Variants in SGSM2 observed in about 807,000 individuals in gnomAD.
SGSM2 encodes RUN and TBC1 domain containing 1.
In SGSM2, 89 loss-of-function variants were observed where a neutral mutation model predicts 126.6. That is an observed-to-expected ratio of 0.70 (90% CI 0.59 to 0.84). The LOEUF (loss-of-function observed/expected upper bound fraction) is 0.84. SGSM2 is among the 40% of genes least tolerant of loss of function. SGSM2 has a pLI of 0.00. For missense variants in SGSM2, 1,404 were observed against 1,416.6 expected, an observed-to-expected ratio of 0.99 and a Z score of 0.14; for synonymous variants, 614 against 574.3, an observed-to-expected ratio of 1.07 and a Z score of -0.99.
intron 1 of SGSM2, among the ~76,000 whole-genome samples, chr17:2,342,976 C>A (rs1337615994): frequency 4.6e-5 from 7 of 150,542 alleles, no homozygotes; most frequent in Non-Finnish European, 1.0e-4. Context: ...GACTCCATCT[C>A]AAAAAAAAAT....
intron 11 of SGSM2, chr17:2,366,999 C>T: frequency 2.4e-6 from 1 of 417,026 alleles, no homozygotes; most frequent in Non-Finnish European, 4.4e-6. Flanking sequence ...CGGTCTTTCA[C>T]ATCCTCCCAC....
rs544131558 is a variant in SGSM2 at position 2,377,853 on chromosome 17, T to A, written c.2803-4T>A. 21 of 1,599,504 alleles carry A rather than the reference T, an allele frequency of 1.3e-5. No homozygotes were observed. The highest frequency in any genetic ancestry group is 2.7e-5 in the African/African-American group (2 of 74,716). On this transcript the variant is annotated splice_region_variant and splice_polypyrimidine_tract_variant and intron_variant, in intron 21 of 23. Transcript: ENST00000268989. ...GCCTCTCTCCCTTTTCCCACCCACATAAGATCCTGGACTCAGAGCTGTTTG... is the reference window on the plus strand; with the variant it reads ...GCCTCTCTCCCTTTTCCCACCCACAAAAGATCCTGGACTCAGAGCTGTTTG...
rs769867632 is a variant in SGSM2, at chr17:2,379,419, C to T, written c.3068-13C>T. The T allele has an allele frequency of 1.5e-5, 24 of 1,610,252 alleles. No homozygotes were observed. The highest frequency in any genetic ancestry group is 1.9e-5 in the Non-Finnish European group (22 of 1,177,414). ...CTCTGGGCCTCTCTACAGCTCTTCA[C>T]GTTTCCCCCCAGAACGTGCTGAGCA... On this transcript the variant is annotated splice_polypyrimidine_tract_variant and intron_variant, in intron 23 of 23. Transcript: ENST00000268989.
In SGSM2 at chr17:2,367,430, C is replaced by T; in HGVS notation, c.1423+25C>T. On this transcript the variant is annotated intron_variant, in intron 12 of 23. Coordinates refer to ENST00000268989, the MANE Select transcript of SGSM2 (RefSeq NM_014853.3). The surrounding 1 kb of genome is among the most constrained non-coding windows in gnomAD (Gnocchi z 4.0). ...GGTTCTTATCCCTCCCTCTCCCTGA[C>T]CCACCTCATCCCCACCCTCCCTCCC... is the stretch of plus-strand genomic sequence containing the variant. 1 of 1,604,034 alleles carries T rather than the reference C, an allele frequency of 6.2e-7. No homozygotes were observed. Among genetic ancestry groups the T allele is most frequent in the Non-Finnish European group, 8.5e-7 (1 of 1,173,846 alleles).
At chr17:2,371,755 T>G in intron 13 of SGSM2, 1 of 385,290 alleles carries the variant, frequency 2.6e-6, no homozygotes, top group Non-Finnish European at 4.7e-6. Context: ...CCCTTCCCGA[T>G]GTGCACACAG....
Position 2,337,509 on chromosome 17 carries a change from C to A in SGSM2, c.-180C>A, listed in dbSNP as rs912374852. On this transcript the variant is annotated 5_prime_UTR_variant, in exon 1 of 24. Transcript: ENST00000268989. The surrounding 1 kb of genome is among the most constrained non-coding windows in gnomAD (Gnocchi z 5.1). ...CCTGCCGCCTGACGTCTGTGCGGGG[C>A]TCGGAAGATGGCTGCGGAGCCGAGC... 1.7e-5 allele frequency: 3 copies of A among 178,446 alleles called. No homozygotes were observed. Among genetic ancestry groups the A allele is most frequent in the Non-Finnish European group, 3.4e-5 (3 of 88,856 alleles). 11.1% of individuals were successfully genotyped at this position (178,446 alleles called of 1,614,324 possible).
chr17:2,340,805 C>A (rs550831241), intron 1 of SGSM2, among the ~76,000 whole-genome samples: 10 of 152,048 alleles, frequency 6.6e-5, no homozygotes, highest in Middle Eastern at 3.2e-3. Flanking sequence ...AGGATGGTCT[C>A]GATCTCCTGA....
Position 2,367,023 on chromosome 17 carries a change from CTT to C in SGSM2, c.1289-247_1289-246del. On this transcript the variant is annotated intron_variant, in intron 11 of 23. Coordinates refer to ENST00000268989, the MANE Select transcript of SGSM2 (RefSeq NM_014853.3). The surrounding 1 kb of genome is among the most constrained non-coding windows in gnomAD (Gnocchi z 4.0). ...ACATCCTCCCACCTCTGTTCTCTCT[CTT>C]CTGTTCTTCCTAGAGAGGCTGCCTC... is the stretch of plus-strand genomic sequence containing the variant. The C allele has an allele frequency of 2.0e-6, 1 of 494,650 alleles. No homozygotes were observed. 30.6% of individuals were successfully genotyped at this position (494,650 alleles called of 1,614,324 possible).
chr17:2,340,010 A>T (rs570498305), intron 1 of SGSM2, among the ~76,000 whole-genome samples: 6 of 152,384 alleles, frequency 3.9e-5, no homozygotes, highest in African/African-American at 1.4e-4. Flanking sequence ...CAGAGACTTG[A>T]ACAGTGTAAA....
In SGSM2 at chr17:2,373,412, C is replaced by T. The variant is rs763516282; in HGVS notation, c.1999C>T (p.Arg667Trp). 1.4e-5 allele frequency: 22 copies of T among 1,611,840 alleles called. No individual in the cohort carries two copies. The highest frequency in any genetic ancestry group is 7.7e-5 in the South Asian group (7 of 91,076). ...CGAGGTGGTGGTGAGGCAGCGGGAG[C>T]GGGAGGCCCACCCAGCCACACGCAC... ...ACEVVVRQRE[R>W]EAHPATRTKF... Residue 667 changes from arginine (R) to tryptophan (W), a missense_variant, in exon 17 of 24, where the codon CGG becomes TGG. Physicochemically the swap from Arg to Trp is moderately radical, Grantham distance 101. Coordinates refer to ENST00000268989, the MANE Select transcript of SGSM2 (RefSeq NM_014853.3).
chr17:2,344,135 C>G (rs533375190), intron 2 of SGSM2, among the ~76,000 whole-genome samples: 1 of 152,294 alleles, frequency 6.6e-6, no homozygotes, highest in South Asian at 2.1e-4. Flanking sequence ...GGAGCCTGAG[C>G]GTGGGCTAGG....
rs557354078 is a variant in SGSM2 at position 2,350,305 on chromosome 17, C to T, written c.133+6685C>T. ...AGAGAAGAGAAGTTTGCTGGAGGAG[C>T]GTCTTTGAAAAGGTGCAAGGGAGGT... On this transcript the variant is annotated intron_variant, in intron 2 of 23. Transcript: ENST00000268989. Among the ~76,000 whole-genome samples, 3 of 151,828 alleles carry T rather than the reference C, an allele frequency of 2.0e-5. No individual in the cohort carries two copies. In the South Asian group the frequency reaches 6.2e-4, roughly 32 times the overall value.
rs1352831084 is a variant in SGSM2, at chr17:2,363,559, C to T, written c.767C>T (p.Thr256Met). 16 of 1,613,330 alleles carry T rather than the reference C, an allele frequency of 9.9e-6. No individual in the cohort carries two copies. The highest frequency in any genetic ancestry group is 2.7e-5 in the African/African-American group (2 of 74,946). ...CVESLHQNSR[T>M]RLLYGKNHVL... ...GAGTCCCTGCACCAGAACTCACGGA[C>T]GCGGCTGCTCTATGGCAAGAACCAC... Residue 256 changes from threonine (T) to methionine (M), a missense_variant, in exon 7 of 24, where the codon ACG becomes ATG. Transcript: ENST00000268989. The surrounding 1 kb of genome is among the most constrained non-coding windows in gnomAD (Gnocchi z 4.2).
chr17:2,361,598 C>G (rs748532602), intron 2 of SGSM2, 39 bp from the exon 3 acceptor site: 1 of 1,606,038 alleles, frequency 6.2e-7, no homozygotes. Context: ...GCTCCCCCGT[C>G]TTTCCCAGGC....
intron 23 of SGSM2, 50 bp downstream of exon 23, chr17:2,379,253 C>A (rs2066314527): frequency 1.3e-6 from 2 of 1,591,180 alleles, no homozygotes; most frequent in East Asian, 2.2e-5. Flanking sequence ...GGTGTGGAGG[C>A]CCCCACCTCT....
At chr17:2,342,358 A>G (rs1316903170) in intron 1 of SGSM2, among the ~76,000 whole-genome samples, 5 of 151,750 alleles carry the variant, frequency 3.3e-5, no homozygotes, top group Non-Finnish European at 1.5e-5. Context: ...CGGGAGTTGG[A>G]GGTTGCAGTG....
Position 2,380,356 on chromosome 17 carries a change from G to A in SGSM2, c.*836G>A. Reference sequence around the variant, plus strand: ...GAGCACTTGCTCTGAGGAATCCCAGGGTGACTCTGTCGGGGAAGAATCCGG... The same window carrying A: ...GAGCACTTGCTCTGAGGAATCCCAGAGTGACTCTGTCGGGGAAGAATCCGG... On this transcript the variant is annotated 3_prime_UTR_variant, in exon 24 of 24. Coordinates refer to ENST00000268989, the MANE Select transcript of SGSM2 (RefSeq NM_014853.3). 2 of 1,502,710 alleles carry A rather than the reference G, an allele frequency of 1.3e-6. No individual in the cohort carries two copies. The highest frequency in any genetic ancestry group is 2.0e-5 in the Admixed American group (1 of 50,938). 93.1% of individuals were successfully genotyped at this position (1,502,710 alleles called of 1,614,324 possible). A position where few individuals can be genotyped will look rare whatever the true frequency, so the allele number is the denominator to read the frequency against.
Position 2,380,388 on chromosome 17 carries a change from C to A in SGSM2, c.*868C>A. On this transcript the variant is annotated 3_prime_UTR_variant, in exon 24 of 24. Coordinates refer to ENST00000268989, the MANE Select transcript of SGSM2 (RefSeq NM_014853.3). ...CTGTCGGGGAAGAATCCGGTCACAG[C>A]CTCCCCTCAGAGACAGGCCTCAGTT... is the stretch of plus-strand genomic sequence containing the variant. The A allele has an allele frequency of 7.7e-7, 1 of 1,303,970 alleles. No homozygotes were observed. The highest frequency in any genetic ancestry group is 1.1e-6 in the Non-Finnish European group (1 of 936,684). 80.8% of individuals were successfully genotyped at this position (1,303,970 alleles called of 1,614,324 possible).
chr17:2,375,750 T>C lies in SGSM2; in HGVS notation c.2359T>C (p.Ser787Pro), dbSNP rs2066107295. The C allele has an allele frequency of 1.2e-6, 2 of 1,605,024 alleles. No homozygotes were observed. The highest frequency in any genetic ancestry group is 4.5e-5 in the East Asian group (2 of 44,676). Residue 787 changes from serine (S) to proline (P), a missense_variant, in exon 18 of 24, where the codon TCC becomes CCC. Physicochemically the swap from Ser to Pro is moderately conservative, Grantham distance 74. Transcript: ENST00000268989. ...GGAGGACGGCGGTGGGGAGGAAGGC[T>C]CCAGTGGGCCCGGCCCTGCAGCTCA... ...EEEDGGGEEGSSGPGPAAHTL... is the reference protein window; with the variant it reads ...EEEDGGGEEGPSGPGPAAHTL...
Sources: gnomAD v4.1 joint callset for allele counts (sites outside exome capture counted in the v4.1 genomes callset) on GRCh38, gnomAD v4.1.1 for gene constraint, Gnocchi (gnomAD v3.1) non-coding constraint, MANE v1.5 for transcripts, NCBI Gene and HGNC (gene_info 2026-07-23, HGNC 2026-07-21) for gene names.